The following MTA3 variants were observed in gnomAD, a reference collection of about 807,000 sequenced individuals.
The protein encoded by MTA3 is metastasis-associated protein MTA3.
MTA3 carries 34 observed loss-of-function variants against 83.5 expected under a neutral mutation model. The observed-to-expected ratio is 0.41, with a 90% CI of 0.31 to 0.54. The LOEUF (loss-of-function observed/expected upper bound fraction) is 0.54. Among genes scored for constraint, MTA3 ranks in the 20% least tolerant of loss-of-function variants. The probability of loss-of-function intolerance (pLI) is 0.33; values close to 1 mark genes in which losing one functional copy is unlikely to be tolerated. For missense variants in MTA3, 761 were observed against 726.4 expected (o/e 1.05, Z -0.55); for synonymous variants, 303 against 252.7 (o/e 1.20, Z -1.89).
chr2:42,611,322 TACAC>T (rs141803741), intron 4 of MTA3, among the ~76,000 whole-genome samples: 1 of 16,062 alleles, frequency 6.2e-5, no homozygotes, highest in Non-Finnish European at 1.3e-4. Flanking sequence ...ACTTAACACA[TACAC>T]ACACACACAC....
chr2:42,557,918 C>A (rs942961044), intron 2 of MTA3, among the ~76,000 whole-genome samples: 1 of 152,080 alleles, frequency 6.6e-6, no homozygotes, highest in African/African-American at 2.4e-5. Context: ...TCGTCTACAC[C>A]ATTGGGTATC....
intron 2 of MTA3, among the ~76,000 whole-genome samples, chr2:42,540,651 A>G (rs1436444243): frequency 6.6e-6 from 1 of 151,814 alleles, no homozygotes; most frequent in Non-Finnish European, 1.5e-5. Context: ...CCTGGGCAAC[A>G]TAGTAAGACC....
upstream of MTA3, chr2:42,568,423 TCCCTCCCACTCCCACTCCCTTTC>T (rs1678036552): frequency 2.8e-5 from 1 of 35,926 alleles, no homozygotes; most frequent in Non-Finnish European, 6.2e-5. Flanking sequence ...CCCCCCACCC[TCCCTCCCACTCCCACTCCCTTTC>T]CCCTCCCCCT....
At chr2:42,527,749 A>G (rs1167307658) in intron 2 of MTA3, among the ~76,000 whole-genome samples, 2 of 151,940 alleles carry the variant, frequency 1.3e-5, no homozygotes, top group African/African-American at 4.8e-5. Context: ...CAGCTACTCA[A>G]GACACTGAGG....
chr2:42,690,858 T>TTATTTATC (rs1366291963), intron 9 of MTA3, among the ~76,000 whole-genome samples: 4 of 51,142 alleles, frequency 7.8e-5, no homozygotes, highest in African/African-American at 2.0e-4. Flanking sequence ...TATTTTTATT[T>TTATTTATC]TATTTATTTA....
At chr2:42,505,366 T>A (rs552774390) in intron 2 of MTA3, among the ~76,000 whole-genome samples, 286 of 152,188 alleles carry the variant, frequency 1.9e-3, no homozygotes, top group Non-Finnish European at 2.1e-3. Flanking sequence ...CACTCCAGCC[T>A]AGGTGACAGA....
intron 14 of MTA3, among the ~76,000 whole-genome samples, chr2:42,712,067 C>T (rs373507593): frequency 1.3e-5 from 2 of 152,102 alleles, no homozygotes; most frequent in African/African-American, 4.8e-5. Flanking sequence ...CTGGCCACGG[C>T]AGCACCATCA....
chr2:42,708,585 A>C (rs1666313944), intron 13 of MTA3, among the ~76,000 whole-genome samples: 1 of 152,028 alleles, frequency 6.6e-6, no homozygotes, highest in Admixed American at 6.6e-5. Context: ...CCTTAATTTA[A>C]AAAAAAGTGT....
intron 3 of MTA3, among the ~76,000 whole-genome samples, chr2:42,586,515 A>ACACACACAC (rs1558462662): frequency 1.3e-5 from 1 of 79,904 alleles, no homozygotes; most frequent in African/African-American, 4.6e-5. Context: ...CACACACACA[A>ACACACACAC]ACACACAAAG....
intron 2 of MTA3, chr2:42,511,533 A>G (rs1674894761): frequency 6.6e-6 from 1 of 152,202 alleles, no homozygotes; most frequent in Non-Finnish European, 1.5e-5. Context: ...CTGGACCAAC[A>G]TGGTGACACC....
intron 4 of MTA3, chr2:42,614,057 T>G (rs760031477): frequency 3.3e-5 from 5 of 152,246 alleles, no homozygotes; most frequent in African/African-American, 9.6e-5. Flanking sequence ...TTTACTATAT[T>G]CAGTTCCAAT....
chr2:42,501,213 T>C (rs1482344839), intron 2 of MTA3, among the ~76,000 whole-genome samples: 2 of 152,258 alleles, frequency 1.3e-5, no homozygotes, highest in East Asian at 3.9e-4. Flanking sequence ...AAAGTAAACA[T>C]GTCAGGAAAC....
intron 2 of MTA3, among the ~76,000 whole-genome samples, chr2:42,504,441 A>G (rs1013091570): frequency 6.6e-6 from 1 of 150,642 alleles, no homozygotes; most frequent in African/African-American, 2.4e-5. Context: ...GCGTTTCGCC[A>G]TGTTGACCAT....
At chr2:42,618,018 C>T (rs1351198023) in intron 4 of MTA3, among the ~76,000 whole-genome samples, 2 of 151,792 alleles carry the variant, frequency 1.3e-5, no homozygotes, top group Non-Finnish European at 2.9e-5. Flanking sequence ...GATCATAGCT[C>T]ACTGTAGCCT....
At position 42,694,033 on chromosome 2, in the gene MTA3, T is replaced by C. The variant is rs151195157; in HGVS notation, c.892-1732T>C. On this transcript the variant is annotated intron_variant, in intron 9 of 16. Coordinates refer to ENST00000405094, the MANE Select transcript of MTA3 (RefSeq NM_001330442.2). The stretch of plus-strand genomic sequence containing the variant: ...GGCAGCAGGTTCTGTTTTGTCCAGA[T>C]GGTGTCTAGAAATGTGTATAGGAGC... Among the ~76,000 whole-genome samples the C allele has an allele frequency of 2.5e-3, 380 of 152,238 alleles. 4 individuals are homozygous for C. The highest frequency in any genetic ancestry group is 8.8e-3 in the African/African-American group (365 of 41,528).
rs1024473174 is a variant in MTA3 at position 42,756,425 on chromosome 2, T to C, written c.*3026T>C. ...TGGGACAGGCGACCCACCGGGTCAG[T>C]CCCCTGCCACTCAGAGCAGAGCAGG... On this transcript the variant is annotated 3_prime_UTR_variant, in exon 17 of 17. Transcript: ENST00000405094. The C allele has an allele frequency of 5.1e-6, 5 of 978,456 alleles. No homozygotes were observed. Among genetic ancestry groups the C allele is most frequent in the Non-Finnish European group, 6.1e-6 (5 of 823,646 alleles). The allele number at this position is 978,456 out of a possible 1,614,324, so 60.6% of individuals were successfully genotyped here.
intron 7 of MTA3, 38 bp from the exon 8 acceptor site, chr2:42,659,725 T>C (rs1270360101): frequency 4.2e-6 from 6 of 1,418,468 alleles, no homozygotes; most frequent in Non-Finnish European, 5.6e-6. Flanking sequence ...CCAAAACAGA[T>C]ACTTAATTCT....
chr2:42,753,291 G>C (rs898945684), intron 16 of MTA3, 83 bp from the exon 17 acceptor site: 37 of 1,545,430 alleles, frequency 2.4e-5, no homozygotes, highest in Non-Finnish European at 3.2e-5. Flanking sequence ...GTGATGTTGG[G>C]AGGGGTGAGT....
intron 2 of MTA3, among the ~76,000 whole-genome samples, chr2:42,496,883 A>C (rs1308852159): frequency 6.6e-6 from 1 of 151,994 alleles, no homozygotes; most frequent in Non-Finnish European, 1.5e-5. Flanking sequence ...CCTTCCATCC[A>C]TTTTCATCAG....
Sources: gnomAD v4.1 joint callset for allele counts (sites outside exome capture counted in the v4.1 genomes callset) on GRCh38, gnomAD v4.1.1 for gene constraint, MANE v1.5 for transcripts, NCBI Gene and HGNC (gene_info 2026-07-23, HGNC 2026-07-21) for gene names.